Variants in LARP1B observed in about 807,000 individuals in gnomAD.
LARP1B encodes la-related protein 1B.
A neutral mutation model predicts 114.2 loss-of-function variants in LARP1B; 76 were observed. That is an observed-to-expected ratio of 0.67 (90% CI 0.55 to 0.81). LARP1B has a LOEUF of 0.81. Among genes scored for constraint, LARP1B ranks in the 30% least tolerant of loss-of-function variants. The pLI is 0.00. For missense variants in LARP1B, 1,014 were observed against 1,075.8 expected (o/e 0.94, Z 0.80); for synonymous variants, 345 against 348.0 (o/e 0.99, Z 0.10).
At chr4:128,138,596 C>A (rs922646184) in intron 11 of LARP1B, among the ~76,000 whole-genome samples, 3 of 152,006 alleles carry the variant, frequency 2.0e-5, no homozygotes, top group African/African-American at 7.3e-5. Context: ...ATCTTTGGTA[C>A]CTGAGCTGTA....
At chr4:128,131,130 A>G (rs940287375) in intron 11 of LARP1B, among the ~76,000 whole-genome samples, 4 of 152,234 alleles carry the variant, frequency 2.6e-5, no homozygotes, top group South Asian at 2.1e-4. Context: ...CTCAAAACCC[A>G]TAGAAAATGT....
chr4:128,176,571 G>C (rs1170950586), intron 12 of LARP1B, among the ~76,000 whole-genome samples: 1 of 152,082 alleles, frequency 6.6e-6, no homozygotes, highest in East Asian at 1.9e-4. Flanking sequence ...TGGGATTACA[G>C]GCGTGAGCCA....
intron 11 of LARP1B, among the ~76,000 whole-genome samples, chr4:128,139,784 A>G (rs185546816): frequency 6.6e-6 from 1 of 152,328 alleles, no homozygotes; most frequent in East Asian, 1.9e-4. Context: ...GGAGATGAAA[A>G]TATTTCAATG....
At chr4:128,214,514 A>T (rs1360891202), downstream of LARP1B, among the ~76,000 whole-genome samples, 11 of 152,094 alleles carry the variant, frequency 7.2e-5, no homozygotes, top group Non-Finnish European at 1.6e-4. Flanking sequence ...CGAGCAGCCT[A>T]ACTGGGAGGC....
intron 15 of LARP1B, among the ~76,000 whole-genome samples, chr4:128,183,992 C>T (rs899453959): frequency 1.3e-5 from 2 of 152,074 alleles, no homozygotes; most frequent in African/African-American, 4.8e-5. Context: ...TGCGATCTCA[C>T]GATAAAACCT....
chr4:128,135,145 A>ATAAAT (rs34324398), intron 11 of LARP1B, among the ~76,000 whole-genome samples: 1 of 149,886 alleles, frequency 6.7e-6, no homozygotes, highest in East Asian at 1.9e-4. Context: ...AAATAAATAA[A>ATAAAT]AAGGATAACA....
intron 11 of LARP1B, among the ~76,000 whole-genome samples, chr4:128,151,388 T>A (rs1732711445): frequency 6.6e-6 from 1 of 152,212 alleles, no homozygotes; most frequent in Non-Finnish European, 1.5e-5. Context: ...TTGTCCTTTA[T>A]AATTTCTTTT....
intron 15 of LARP1B, among the ~76,000 whole-genome samples, chr4:128,183,824 A>G (rs1447330581): frequency 6.6e-6 from 1 of 152,238 alleles, no homozygotes; most frequent in East Asian, 1.9e-4. Flanking sequence ...GAGGAAGTCA[A>G]AATATCAACA....
intron 6 of LARP1B, among the ~76,000 whole-genome samples, chr4:128,217,196 C>T (rs1402078515): frequency 7.4e-6 from 1 of 135,996 alleles, no homozygotes; most frequent in African/African-American, 2.8e-5. Flanking sequence ...GGATTCACAG[C>T]CGAATTCTGC....
At position 128,207,520 on chromosome 4, in the gene LARP1B, T is replaced by C. The variant is rs946450232; in HGVS notation, c.2547+137T>C. On this transcript the variant is annotated intron_variant, in intron 19 of 19. Coordinates refer to ENST00000326639, the MANE Select transcript of LARP1B (RefSeq NM_018078.4). Reference sequence around the variant, plus strand: ...TTAAAATTAAACTTTGAAATAGATATAAAAATAGTTCAGAGAATTCCCATA... The same window carrying C: ...TTAAAATTAAACTTTGAAATAGATACAAAAATAGTTCAGAGAATTCCCATA... 1.5e-5 allele frequency: 8 copies of C among 519,532 alleles called. No homozygotes were observed. In the African/African-American group the frequency reaches 1.6e-4, roughly 10 times the overall value. 32.2% of individuals were successfully genotyped at this position (519,532 alleles called of 1,614,324 possible). A position where few individuals can be genotyped will look rare whatever the true frequency, so the allele number is the denominator to read the frequency against.
At chr4:128,194,164 C>G (rs1753231069) in intron 15 of LARP1B, among the ~76,000 whole-genome samples, 1 of 151,980 alleles carries the variant, frequency 6.6e-6, no homozygotes, top group African/African-American at 2.4e-5. Flanking sequence ...CCTCCACCTC[C>G]TGGGTTCAAG....
At chr4:128,069,461 G>T in intron 1 of LARP1B, 1 of 757,460 alleles carries the variant, frequency 1.3e-6, no homozygotes, top group South Asian at 1.4e-5. Flanking sequence ...CATAAACTTG[G>T]TTGGCCTTGT....
intron 17 of LARP1B, 45 bp from the exon 18 acceptor site, chr4:128,206,383 A>G (rs756470363): frequency 5.4e-6 from 6 of 1,110,506 alleles, no homozygotes; most frequent in African/African-American, 4.8e-5. Context: ...TACTAACTAT[A>G]GAGATATTGT....
At chr4:128,143,988 T>C (rs150726337) in intron 11 of LARP1B, among the ~76,000 whole-genome samples, 1 of 152,288 alleles carries the variant, frequency 6.6e-6, no homozygotes, top group Non-Finnish European at 1.5e-5. Flanking sequence ...GTACAGGGTT[T>C]CTCAACCTCA....
At chr4:128,216,878 C>T (rs1236841145), downstream of LARP1B, among the ~76,000 whole-genome samples, 2 of 152,026 alleles carry the variant, frequency 1.3e-5, no homozygotes, top group East Asian at 1.9e-4. Context: ...AAAGGATGAA[C>T]AAAATTGATA....
chr4:128,216,959 A>T (rs1042251865), downstream of LARP1B, among the ~76,000 whole-genome samples: 38 of 151,764 alleles, frequency 2.5e-4, no homozygotes, highest in African/African-American at 9.2e-4. Flanking sequence ...GATAAAGGGG[A>T]TATCACCACC....
chr4:128,147,859 G>T (rs1399404804), intron 11 of LARP1B, among the ~76,000 whole-genome samples: 1 of 152,094 alleles, frequency 6.6e-6, no homozygotes, highest in African/African-American at 2.4e-5. Flanking sequence ...TAATATGTAA[G>T]CACGAATGTG....
At position 128,114,622 on chromosome 4, in the gene LARP1B, C is replaced by T. The variant is rs373173565; in HGVS notation, c.1041C>T (p.Asn347=). 2.4e-4 allele frequency: 395 copies of T among 1,613,618 alleles called. No individual in the cohort carries two copies. The highest frequency in any genetic ancestry group is 4.9e-4 in the Middle Eastern group (3 of 6,082). The change falls in exon 10 of 20, where the codon AAC becomes AAT. Residue 347 remains asparagine (N), a synonymous_variant. Coordinates refer to ENST00000326639, the MANE Select transcript of LARP1B (RefSeq NM_018078.4). ...GAAGCCCATTGAGCCCAAAGAAAAA[C>T]AGTGAAACAAGTATTCTTCAAGCAA... ...RIGSPLSPKK[N]SETSILQAMS... is the part of the protein sequence containing the mutation.
intron 11 of LARP1B, among the ~76,000 whole-genome samples, chr4:128,125,752 AAAAAAC>A (rs922647637): frequency 7.2e-5 from 11 of 152,208 alleles, no homozygotes; most frequent in South Asian, 2.1e-4. Context: ...CTCAAAAAAC[AAAAAAC>A]AAAAACAAAA....
Sources: allele counts gnomAD v4.1 joint callset (sites outside exome capture counted in the v4.1 genomes callset), GRCh38; gene constraint gnomAD v4.1.1; transcripts MANE v1.5; gene names NCBI Gene and HGNC (gene_info 2026-07-23, HGNC 2026-07-21).